The following ARHGEF4 variants were observed in gnomAD, a reference collection of about 807,000 sequenced individuals.
ARHGEF4 encodes the protein Rho guanine nucleotide exchange factor 4.
A neutral mutation model predicts 162.0 loss-of-function variants in ARHGEF4; 119 were observed. The observed-to-expected ratio is 0.73, with a 90% CI of 0.63 to 0.86. The LOEUF (loss-of-function observed/expected upper bound fraction) is 0.86, where lower values mean the gene tolerates loss of function less well. Ranked by LOEUF, ARHGEF4 falls within the 40% of genes least tolerant of loss-of-function variation. The pLI, the probability that ARHGEF4 is intolerant of heterozygous loss-of-function variation, is 0.00. For missense variants in ARHGEF4, 2,488 were observed against 2,456.0 expected (o/e 1.01, Z -0.28); for synonymous variants, 1,014 against 979.9 (o/e 1.03, Z -0.65).
intron 5 of ARHGEF4, among the ~76,000 whole-genome samples, chr2:131,029,786 T>C (rs903327180): frequency 2.0e-5 from 3 of 152,216 alleles, no homozygotes; most frequent in Non-Finnish European, 4.4e-5. Flanking sequence ...ACTCTTGAAC[T>C]CAGGTGATCT....
intron 5 of ARHGEF4, among the ~76,000 whole-genome samples, chr2:131,028,416 G>A (rs1419620909): frequency 6.6e-6 from 1 of 152,170 alleles, no homozygotes; most frequent in African/African-American, 2.4e-5. Flanking sequence ...AGGGAGGCTA[G>A]GGCTTCTCCA....
intron 1 of ARHGEF4, among the ~76,000 whole-genome samples, chr2:130,854,324 T>C (rs933103269): frequency 1.3e-5 from 2 of 152,148 alleles, no homozygotes; most frequent in African/African-American, 2.4e-5. Context: ...ACATTTATTC[T>C]TTGGAGTCTG....
chr2:130,975,588 C>T (rs1208768231), intron 4 of ARHGEF4, among the ~76,000 whole-genome samples: 1 of 152,092 alleles, frequency 6.6e-6, no homozygotes, highest in Non-Finnish European at 1.5e-5. Flanking sequence ...TGACTCTTGT[C>T]CCCATTGCCC....
intron 10 of ARHGEF4, 57 bp from the exon 11 acceptor site, chr2:131,043,391 CAGGA>C: frequency 6.2e-7 from 1 of 1,603,514 alleles, no homozygotes; most frequent in African/African-American, 1.3e-5. Context: ...ATGATGGGGG[CAGGA>C]AGTGGAGCCC....
intron 4 of ARHGEF4, among the ~76,000 whole-genome samples, chr2:130,950,517 A>T (rs1055493201): frequency 6.6e-6 from 1 of 152,174 alleles, no homozygotes; most frequent in Non-Finnish European, 1.5e-5. Context: ...AACACCCTTC[A>T]TCAGTCTCTA....
intron 4 of ARHGEF4, among the ~76,000 whole-genome samples, chr2:130,956,358 T>G (rs1370783600): frequency 2.0e-5 from 3 of 151,936 alleles, no homozygotes; most frequent in Non-Finnish European, 2.9e-5. Flanking sequence ...AGGAACACTT[T>G]TACACTGTTG....
intron 1 of ARHGEF4, among the ~76,000 whole-genome samples, chr2:130,869,935 T>G (rs1174046612): frequency 6.6e-6 from 1 of 152,182 alleles, no homozygotes; most frequent in East Asian, 1.9e-4. Context: ...CAAGGCCCCC[T>G]CCGTGGAACC....
intron 3 of ARHGEF4, among the ~76,000 whole-genome samples, chr2:130,939,497 A>C (rs1374371288): frequency 6.6e-6 from 1 of 152,080 alleles, no homozygotes; most frequent in Non-Finnish European, 1.5e-5. Flanking sequence ...AAAGCTATGT[A>C]CTGAGCCTTC....
intron 1 of ARHGEF4, among the ~76,000 whole-genome samples, chr2:130,839,957 C>T (rs2104847973): frequency 6.6e-6 from 1 of 152,274 alleles, no homozygotes; most frequent in Non-Finnish European, 1.5e-5. Context: ...ATGAGGTCAT[C>T]AGGAGAGAAA....
At position 131,011,548 on chromosome 2, in the gene ARHGEF4, G is replaced by A; in HGVS notation, c.3986-16397G>A. On this transcript the variant is annotated intron_variant, in intron 4 of 13. Coordinates refer to ENST00000409359, the MANE Select transcript of ARHGEF4 (RefSeq NM_001367493.1). ...GCTCCCGTGAATATCAGGACCTCAAGCATGTGCTTCCATATCAGCCACTTT... is the reference window on the plus strand; with the variant it reads ...GCTCCCGTGAATATCAGGACCTCAAACATGTGCTTCCATATCAGCCACTTT... The A allele has an allele frequency of 2.2e-6, 3 of 1,336,248 alleles. 1 individual carries two copies. Among genetic ancestry groups the A allele is most frequent in the Non-Finnish European group, 3.0e-6 (3 of 992,086 alleles). The allele number at this position is 1,336,248 out of a possible 1,614,324, so 82.8% of individuals were successfully genotyped here.
rs189993923 is a variant in ARHGEF4, at chr2:130,855,069, G to A, written c.39+18077G>A. ...TTTTTTTTGTATTTTTAGTAGAGAC[G>A]GGGTTTCACCATTCATAGGATGGCC... On this transcript the variant is annotated intron_variant, in intron 1 of 13. Transcript: ENST00000409359. Among the ~76,000 whole-genome samples, 240 of 151,526 alleles carry A rather than the reference G, an allele frequency of 1.6e-3. 2 individuals are homozygous for A. Among genetic ancestry groups the A allele is most frequent in the African/African-American group, 5.5e-3 (229 of 41,296 alleles).
chr2:130,837,139 C>A, intron 1 of ARHGEF4, 147 bp downstream of exon 1: 1 of 753,106 alleles, frequency 1.3e-6, no homozygotes, highest in Non-Finnish European at 1.8e-6. Context: ...CCGCCGCTCC[C>A]AACTTTCCGA....
chr2:131,039,440 A>G (rs1047004951), intron 6 of ARHGEF4: 33 of 1,029,270 alleles, frequency 3.2e-5, no homozygotes, highest in Middle Eastern at 4.7e-4. Flanking sequence ...AGCCCTGGAG[A>G]TAGCAGAGAG....
Position 130,931,741 on chromosome 2 carries a change from A to AC in ARHGEF4, c.3858+486dup, listed in dbSNP as rs1309499174. Among the ~76,000 whole-genome samples the AC allele has an allele frequency of 2.0e-5, 3 of 152,352 alleles. No homozygotes were observed. In the South Asian group the frequency reaches 6.2e-4, roughly 32 times the overall value. On this transcript the variant is annotated intron_variant, in intron 3 of 13. Transcript: ENST00000409359. ...TTGACAACATGATTTTTTGCATGAAACCGACAGCCTACTAAAAAGTAAATT... is the reference window on the plus strand; with the variant it reads ...TTGACAACATGATTTTTTGCATGAAACCCGACAGCCTACTAAAAAGTAAATT...
At chr2:131,041,739 C>A in intron 9 of ARHGEF4, 76 bp from the exon 10 acceptor site, 2 of 1,554,370 alleles carry the variant, frequency 1.3e-6, no homozygotes, top group Non-Finnish European at 8.7e-7. Context: ...CAGCTCCACA[C>A]GTGGGGGCTG....
At chr2:130,878,130 A>G (rs1271228232) in intron 1 of ARHGEF4, among the ~76,000 whole-genome samples, 1 of 152,234 alleles carries the variant, frequency 6.6e-6, no homozygotes, top group Non-Finnish European at 1.5e-5. Context: ...CAAAAATTTA[A>G]GAGCGAAATC....
At position 130,914,268 on chromosome 2, in the gene ARHGEF4, G is replaced by A. The variant is rs562212776; in HGVS notation, c.322G>A (p.Val108Ile). 93 of 1,529,684 alleles carry A rather than the reference G, an allele frequency of 6.1e-5. No individual in the cohort carries two copies. The East Asian group carries it at 2.0e-3, about 32-fold the overall frequency. 94.8% of individuals were successfully genotyped at this position (1,529,684 alleles called of 1,614,324 possible). ...DIEAPWEYPD[V>I]SATGPPQEQH... ...AGAAGCACCTTGGGAATACCCTGAT[G>A]TCTCAGCAACTGGACCCCCTCAGGA... The change falls in exon 2 of 14, where the codon GTC becomes ATC. Residue 108 changes from valine (V) to isoleucine (I), a missense_variant. Val to Ile is a conservative substitution (Grantham distance 29). Around this residue, in one of 6 missense-constraint regions of ARHGEF4, gnomAD observed 171 missense variants for 169.4 expected, o/e 1.01. Coordinates refer to ENST00000409359, the MANE Select transcript of ARHGEF4 (RefSeq NM_001367493.1).
At chr2:130,864,723 C>CAAAAA (rs997548976) in intron 1 of ARHGEF4, among the ~76,000 whole-genome samples, 5 of 151,658 alleles carry the variant, frequency 3.3e-5, no homozygotes, top group African/African-American at 1.2e-4. Context: ...GACTCTGTCT[C>CAAAAA]AAAACAAAAA....
intron 4 of ARHGEF4, among the ~76,000 whole-genome samples, chr2:131,007,822 TTTTTTTG>T: frequency 7.3e-6 from 1 of 137,492 alleles, no homozygotes; most frequent in East Asian, 2.0e-4. Flanking sequence ...TTTTTTTTTT[TTTTTTTG>T]GAGACAGAGT....
Sources: allele counts gnomAD v4.1 joint callset (sites outside exome capture counted in the v4.1 genomes callset), GRCh38; gene constraint gnomAD v4.1.1; regional missense constraint gnomAD v4.1.1; transcripts MANE v1.5; gene names NCBI Gene and HGNC (gene_info 2026-07-23, HGNC 2026-07-21).